The following UNC13B variants were observed in gnomAD, a reference collection of about 807,000 sequenced individuals.
UNC13B encodes unc-13 homolog B.
A neutral mutation model predicts 211.0 loss-of-function variants in UNC13B; 144 were observed. The ratio of observed to expected loss-of-function variants is 0.68; its 90% CI spans 0.60 to 0.78. UNC13B has a LOEUF of 0.78. Ranked by LOEUF, UNC13B falls within the 30% of genes least tolerant of loss-of-function variation. UNC13B has a pLI of 0.00. For missense variants in UNC13B, 1,777 were observed against 2,002.0 expected (o/e 0.89, Z 2.14); for synonymous variants, 709 against 725.8 (o/e 0.98, Z 0.37).
At chr9:35,338,234 T>C (rs1445194293) in intron 11 of UNC13B, among the ~76,000 whole-genome samples, 1 of 152,210 alleles carries the variant, frequency 6.6e-6, no homozygotes, top group African/African-American at 2.4e-5. Flanking sequence ...ACTGGTTAGC[T>C]GGCCAGTTCC....
At chr9:35,368,851 T>C (rs79620858) in intron 12 of UNC13B, among the ~76,000 whole-genome samples, 1 of 152,156 alleles carries the variant, frequency 6.6e-6, no homozygotes, top group East Asian at 1.9e-4. Context: ...ATACATATTG[T>C]AGTTTCTAGA....
chr9:35,380,389 G>A, intron 17 of UNC13B, 81 bp from the exon 18 acceptor site: 1 of 1,481,060 alleles, frequency 6.8e-7, no homozygotes, highest in South Asian at 1.3e-5. Flanking sequence ...AGCTGTCGGA[G>A]CTTTTGGGAG....
In UNC13B at chr9:35,342,353, T is replaced by A. The variant is rs1832055614; in HGVS notation, c.9415-24594T>A. ...TTGGTTGCAGCAGCAAGGTAAGTGG[T>A]ACCGAGTGTGTATGACTGACTGAAC... On this transcript the variant is annotated intron_variant, in intron 11 of 39. Transcript: ENST00000635942. The A allele has an allele frequency of 1.1e-5, 11 of 985,664 alleles. No individual in the cohort carries two copies. In the South Asian group the frequency reaches 5.2e-4, roughly 46 times the overall value. The allele number at this position is 985,664 out of a possible 1,614,324, so 61.1% of individuals were successfully genotyped here.
chr9:35,336,746 C>T (rs2131991591), intron 11 of UNC13B, among the ~76,000 whole-genome samples: 1 of 152,244 alleles, frequency 6.6e-6, no homozygotes, highest in East Asian at 1.9e-4. Flanking sequence ...AGGCTCACCT[C>T]CTAATGTCAT....
chr9:35,308,480 G>A (rs1428858836), intron 9 of UNC13B, 68 bp downstream of exon 9: 1 of 397,908 alleles, frequency 2.5e-6, no homozygotes, highest in Non-Finnish European at 4.4e-6. Flanking sequence ...AAGTGACTTA[G>A]TGGTAGATTA....
At chr9:35,381,781 C>T (rs1834857787) in intron 20 of UNC13B, 62 bp downstream of exon 20, 3 of 1,582,296 alleles carry the variant, frequency 1.9e-6, no homozygotes, top group Non-Finnish European at 1.7e-6. Flanking sequence ...AATTAAGGCA[C>T]ACTGACATGG....
intron 7 of UNC13B, among the ~76,000 whole-genome samples, chr9:35,269,822 T>C (rs10121009): frequency 0.7 from 106,251 of 152,088 alleles, 38,391 homozygotes; most frequent in Middle Eastern, 0.81. Context: ...TGAACAGTTG[T>C]CAGTCTTTTG....
intron 7 of UNC13B, among the ~76,000 whole-genome samples, chr9:35,279,454 TG>T (rs904050730): frequency 6.6e-6 from 1 of 152,206 alleles, no homozygotes; most frequent in African/African-American, 2.4e-5. Flanking sequence ...TGATGAAATA[TG>T]TTTTTTTTTA....
At chr9:35,314,650 A>G (rs1830353361) in intron 11 of UNC13B, among the ~76,000 whole-genome samples, 3 of 152,004 alleles carry the variant, frequency 2.0e-5, no homozygotes, top group Admixed American at 2.0e-4. Context: ...TCATCTGAAT[A>G]GTGTACATTA....
intron 7 of UNC13B, among the ~76,000 whole-genome samples, chr9:35,294,267 C>CG (rs1356239552): frequency 2.0e-5 from 3 of 151,748 alleles, no homozygotes; most frequent in African/African-American, 7.3e-5. Flanking sequence ...CCTAATCTTA[C>CG]GGTCTTCAGG....
intron 17 of UNC13B, 122 bp downstream of exon 17, chr9:35,378,558 C>T (rs545936832): frequency 1.4e-5 from 18 of 1,291,030 alleles, no homozygotes; most frequent in African/African-American, 7.3e-5. Context: ...ACTCATTTCT[C>T]GCATGCTTCG....
In UNC13B at chr9:35,295,921, G is replaced by A. The variant is rs763367265; in HGVS notation, c.752G>A (p.Arg251Gln). The A allele has an allele frequency of 1.3e-5, 21 of 1,606,876 alleles. No individual in the cohort carries two copies. The highest frequency in any genetic ancestry group is 4.0e-5 in the African/African-American group (3 of 74,774). ...TATGACCTTGATTATCCAGAGCGGC[G>A]GGCTATCAGGTGGGTATTGAGCACA... is the stretch of plus-strand genomic sequence containing the variant. ...QSYDLDYPERRAIRYAQKYDT... is the reference protein window; with the variant it reads ...QSYDLDYPERQAIRYAQKYDT... The change falls in exon 8 of 40, where the codon CGG (arginine) becomes CAG (glutamine). Residue 251 changes from arginine to glutamine, a missense_variant. Coordinates refer to ENST00000635942, the MANE Select transcript of UNC13B (RefSeq NM_001371189.2).
chr9:35,189,746 C>T (rs546089336), intron 1 of UNC13B, among the ~76,000 whole-genome samples: 2 of 152,116 alleles, frequency 1.3e-5, no homozygotes, highest in Non-Finnish European at 2.9e-5. Context: ...CCCGGCTCAC[C>T]GCAACCTCCG....
chr9:35,396,514 A>G lies in UNC13B; in HGVS notation c.11347A>G (p.Met3783Val), dbSNP rs1835886727. The part of the protein sequence containing the change: ...KDHLCKSADY[M>V]NLHFKVKWLH... ...CCACCTGTGTAAAAGTGCTGACTAC[A>G]TGAACCTGCACTTCAAGGTGAAGTG... is the stretch of plus-strand genomic sequence containing the variant. Residue 3783 changes from methionine (M) to valine (V), a missense_variant, in exon 27 of 40, where the codon ATG (methionine) becomes GTG (valine). By Grantham distance (21) the Met-to-Val change is conservative (BLOSUM62 1). Transcript: ENST00000635942. The G allele has an allele frequency of 3.1e-6, 5 of 1,614,070 alleles. No homozygotes were observed. In the East Asian group the frequency reaches 1.1e-4, roughly 36 times the overall value.
intron 11 of UNC13B, among the ~76,000 whole-genome samples, chr9:35,333,861 C>A (rs1295334507): frequency 1.3e-5 from 2 of 152,142 alleles, no homozygotes; most frequent in Non-Finnish European, 2.9e-5. Context: ...TGTAATTGGG[C>A]TAATATGCTG....
At chr9:35,257,274 C>T (rs549956144) in intron 6 of UNC13B, among the ~76,000 whole-genome samples, 48 of 141,378 alleles carry the variant, frequency 3.4e-4, no homozygotes, top group African/African-American at 4.4e-4. Context: ...GCCTGGCCAA[C>T]GTGGTGAAAC....
At chr9:35,295,995 A>G (rs1050539823) in intron 8 of UNC13B, 65 bp downstream of exon 8, 7 of 1,452,166 alleles carry the variant, frequency 4.8e-6, no homozygotes, top group Non-Finnish European at 6.6e-6. Context: ...AATTGGCAAG[A>G]AGAATTTGGA....
chr9:35,210,265 C>T (rs1488738077), intron 1 of UNC13B, among the ~76,000 whole-genome samples: 1 of 152,176 alleles, frequency 6.6e-6, no homozygotes, highest in Non-Finnish European at 1.5e-5. Context: ...GTATAGTTTT[C>T]ACTAGCTACA....
At chr9:35,396,450 G>C in intron 26 of UNC13B, 26 bp from the exon 27 acceptor site, 1 of 1,613,696 alleles carries the variant, frequency 6.2e-7, no homozygotes, top group Non-Finnish European at 8.5e-7. Flanking sequence ...GCTGGGACCT[G>C]ACCCAACCTT....
Sources: allele counts gnomAD v4.1 joint callset (sites outside exome capture counted in the v4.1 genomes callset), GRCh38; gene constraint gnomAD v4.1.1; transcripts MANE v1.5; gene names NCBI Gene and HGNC (gene_info 2026-07-23, HGNC 2026-07-21).